ANO3: variants seen among roughly 807,000 people sequenced by gnomAD.
ANO3 encodes anoctamin-3.
A neutral mutation model predicts 144.8 loss-of-function variants in ANO3; 99 were observed. The ratio of observed to expected loss-of-function variants is 0.68; its 90% CI spans 0.58 to 0.81. ANO3 has a LOEUF of 0.81. Ranked by LOEUF, ANO3 falls within the 30% of genes least tolerant of loss-of-function variation. ANO3 has a pLI of 0.00. For missense variants in ANO3, 905 were observed against 1,202.2 expected, an observed-to-expected ratio of 0.75 and a Z score of 3.66; for synonymous variants, 414 against 392.6, an observed-to-expected ratio of 1.05 and a Z score of -0.64.
At position 26,360,140 on chromosome 11, in the gene ANO3, T is replaced by C. The variant is rs896807736; in HGVS notation, c.46+27819T>C. ...AGAATTTTCATTGACATTTTTTCCTTTTTATAAGTTTTTTTTTCTTCACTG... is the reference window on the plus strand; with the variant it reads ...AGAATTTTCATTGACATTTTTTCCTCTTTATAAGTTTTTTTTTCTTCACTG... On this transcript the variant is annotated intron_variant, in intron 1 of 26. Transcript: ENST00000256737. 2.7e-4 allele frequency among the ~76,000 whole-genome samples: 22 copies of C among 81,080 alleles called. No individual in the cohort carries two copies. In the South Asian group the frequency reaches 0.011, roughly 41 times the overall value. 53.2% of individuals were successfully genotyped at this position (81,080 alleles called of 152,430 possible). A position where few individuals can be genotyped will look rare whatever the true frequency, so the allele number is the denominator to read the frequency against.
intron 14 of ANO3, among the ~76,000 whole-genome samples, chr11:26,578,762 T>TA (rs1851055763): frequency 6.6e-6 from 1 of 152,166 alleles, no homozygotes. Flanking sequence ...AATGGAGAGT[T>TA]ATAGGCTCCC....
chr11:26,387,514 C>G (rs562942416), intron 1 of ANO3, among the ~76,000 whole-genome samples: 1 of 151,666 alleles, frequency 6.6e-6, no homozygotes, highest in Non-Finnish European at 1.5e-5. Flanking sequence ...GTGAATTTCT[C>G]AAATACAATT....
chr11:26,273,964 C>G (rs1853504358), intron 1 of ANO3, among the ~76,000 whole-genome samples: 1 of 152,118 alleles, frequency 6.6e-6, no homozygotes, highest in South Asian at 2.1e-4. Context: ...TTTCAGTATT[C>G]TCCACATCAC....
chr11:26,572,316 C>T (rs912489532), intron 14 of ANO3: 49 of 854,960 alleles, frequency 5.7e-5, no homozygotes, highest in Non-Finnish European at 6.9e-5. Context: ...CCCAACCCTC[C>T]AGTTTTCATA....
At chr11:26,608,634 C>T (rs1852003504) in intron 17 of ANO3, among the ~76,000 whole-genome samples, 1 of 152,048 alleles carries the variant, frequency 6.6e-6, no homozygotes, top group Non-Finnish European at 1.5e-5. Context: ...TCCCTGAGCC[C>T]CTGGCTGGAG....
chr11:26,552,330 G>A (rs143553031), intron 12 of ANO3, among the ~76,000 whole-genome samples: 1 of 151,894 alleles, frequency 6.6e-6, no homozygotes, highest in Non-Finnish European at 1.5e-5. Context: ...TTTGGTTCAA[G>A]TACAAATGTG....
At chr11:26,392,219 C>T (rs143926893) in intron 1 of ANO3, among the ~76,000 whole-genome samples, 103 of 144,376 alleles carry the variant, frequency 7.1e-4, no homozygotes, top group African/African-American at 2.4e-3. Context: ...TTGTCTGTGT[C>T]GTACATGGTG....
intron 1 of ANO3, among the ~76,000 whole-genome samples, chr11:26,425,843 T>C (rs1407100384): frequency 6.6e-6 from 1 of 152,166 alleles, no homozygotes; most frequent in Non-Finnish European, 1.5e-5. Context: ...TTTCAGCGTC[T>C]GTGTACTTTG....
intron 17 of ANO3, among the ~76,000 whole-genome samples, chr11:26,613,946 G>C (rs1188331930): frequency 6.6e-6 from 1 of 152,222 alleles, no homozygotes. Context: ...GCCAAGCACA[G>C]ATGCTCATGG....
intron 1 of ANO3, among the ~76,000 whole-genome samples, chr11:26,264,128 A>G (rs1044516835): frequency 6.6e-6 from 1 of 152,208 alleles, no homozygotes; most frequent in African/African-American, 2.4e-5. Flanking sequence ...AAGTGGTAAG[A>G]ATAGATTTCC....
chr11:26,397,308 A>G (rs147851707), intron 1 of ANO3, among the ~76,000 whole-genome samples: 6 of 152,222 alleles, frequency 3.9e-5, no homozygotes, highest in Admixed American at 3.9e-4. Flanking sequence ...AATGAGTAAG[A>G]TCTAACCTCA....
intron 6 of ANO3, among the ~76,000 whole-genome samples, chr11:26,521,275 T>C (rs746833193): frequency 7.2e-5 from 11 of 152,206 alleles, no homozygotes; most frequent in Non-Finnish European, 1.5e-4. Context: ...TATCTCTTTT[T>C]AGGATAATAT....
At chr11:26,587,933 G>A in intron 14 of ANO3, among the ~76,000 whole-genome samples, 1 of 93,342 alleles carries the variant, frequency 1.1e-5, no homozygotes, top group African/African-American at 4.0e-5. Context: ...GTGAAACTCT[G>A]TCTCAAAAAA....
At chr11:26,221,207 G>A (rs748976103) in intron 1 of ANO3, among the ~76,000 whole-genome samples, 10 of 152,188 alleles carry the variant, frequency 6.6e-5, no homozygotes, top group Non-Finnish European at 1.3e-4. Flanking sequence ...GTGTAGCTGT[G>A]ATGTTTTGCT....
At chr11:26,365,987 TATATATATATATA>T (rs1856067957) in intron 1 of ANO3, among the ~76,000 whole-genome samples, 6 of 1,364 alleles carry the variant, frequency 4.4e-3, no homozygotes, top group African/African-American at 6.4e-3. Flanking sequence ...TATATATATA[TATATATATATATA>T]TATTTTAATT....
At chr11:26,642,427 C>G (rs182197911) in intron 22 of ANO3, among the ~76,000 whole-genome samples, 2 of 144,248 alleles carry the variant, frequency 1.4e-5, no homozygotes, top group African/African-American at 2.6e-5. Flanking sequence ...TCTCGGCTCA[C>G]TGCAACCTCC....
chr11:26,385,815 TCA>T (rs1856709594), intron 1 of ANO3, among the ~76,000 whole-genome samples: 4 of 130,222 alleles, frequency 3.1e-5, no homozygotes, highest in African/African-American at 1.3e-4. Flanking sequence ...TGTCCAAGTT[TCA>T]CACACATACA....
At chr11:26,267,762 G>T (rs1015422658) in intron 1 of ANO3, among the ~76,000 whole-genome samples, 1 of 151,988 alleles carries the variant, frequency 6.6e-6, no homozygotes. Context: ...AAATGATCTT[G>T]TGCACTTATT....
chr11:26,542,517 A>C (rs1193401945), intron 11 of ANO3, among the ~76,000 whole-genome samples: 3 of 152,082 alleles, frequency 2.0e-5, no homozygotes, highest in African/African-American at 7.2e-5. Context: ...CTTAACCAGA[A>C]GTAATTTAGA....
Sources: allele counts gnomAD v4.1 joint callset (sites outside exome capture counted in the v4.1 genomes callset), GRCh38; gene constraint gnomAD v4.1.1; transcripts MANE v1.5; gene names NCBI Gene and HGNC (gene_info 2026-07-23, HGNC 2026-07-21).